Variants in NTM observed in about 807,000 individuals in gnomAD.
NTM encodes the protein IgLON family member 2.
NTM carries 13 observed loss-of-function variants against 42.1 expected under a neutral mutation model. The ratio of observed to expected loss-of-function variants is 0.31; its 90% confidence interval spans 0.20 to 0.49. NTM has a LOEUF of 0.49. NTM is among the 20% of genes least tolerant of loss of function. The pLI, the probability that NTM is intolerant of heterozygous loss-of-function variation, is 0.99. For missense variants in NTM, 373 were observed against 452.8 expected, an observed-to-expected ratio of 0.82 and a Z score of 1.60; for synonymous variants, 187 against 179.2, an observed-to-expected ratio of 1.04 and a Z score of -0.35.
intron 1 of NTM, among the ~76,000 whole-genome samples, chr11:131,808,702 T>A (rs1269400910): frequency 2.0e-5 from 3 of 152,102 alleles, no homozygotes; most frequent in South Asian, 4.1e-4. Flanking sequence ...TGCTCCTAGC[T>A]GTGGGAGACA....
At chr11:131,454,118 G>A (rs1488687256) in intron 1 of NTM, among the ~76,000 whole-genome samples, 1 of 152,132 alleles carries the variant, frequency 6.6e-6, no homozygotes, top group Non-Finnish European at 1.5e-5. Context: ...CATAGTTTCA[G>A]TTACCTGCAG....
intron 2 of NTM, among the ~76,000 whole-genome samples, chr11:131,925,383 CTTTTTTTTTT>C (rs61493262): frequency 1.8e-5 from 2 of 111,456 alleles, no homozygotes; most frequent in African/African-American, 7.1e-5. Context: ...TTTCTTTTCT[CTTTTTTTTTT>C]TTTTTTTTTT....
At chr11:131,938,279 G>A (rs756678701) in intron 2 of NTM, among the ~76,000 whole-genome samples, 16 of 152,228 alleles carry the variant, frequency 1.1e-4, no homozygotes, top group African/African-American at 3.4e-4. Context: ...CTGTGGAGAC[G>A]GGAACAGTGG....
intron 7 of NTM, among the ~76,000 whole-genome samples, chr11:132,323,639 C>G (rs1053608995): frequency 3.9e-5 from 6 of 152,054 alleles, no homozygotes; most frequent in Non-Finnish European, 5.9e-5. Context: ...TTATTCTAAT[C>G]AATAGAAAAA....
At chr11:131,591,175 C>A (rs1181188217) in intron 1 of NTM, among the ~76,000 whole-genome samples, 1 of 152,208 alleles carries the variant, frequency 6.6e-6, no homozygotes, top group Non-Finnish European at 1.5e-5. Flanking sequence ...TCCTCCCAGC[C>A]CCCACCGCAG....
intron 2 of NTM, among the ~76,000 whole-genome samples, chr11:132,079,588 A>G (rs2058767666): frequency 6.6e-6 from 1 of 152,152 alleles, no homozygotes; most frequent in South Asian, 2.1e-4. Context: ...TTATGTGTCA[A>G]AATCTCCTGT....
intron 2 of NTM, among the ~76,000 whole-genome samples, chr11:132,116,079 C>T (rs1407127442): frequency 6.6e-6 from 1 of 152,186 alleles, no homozygotes; most frequent in African/African-American, 2.4e-5. Flanking sequence ...GGATTAGGCA[C>T]CGTATCAGTC....
chr11:131,461,505 A>G (rs1951375712), intron 1 of NTM, among the ~76,000 whole-genome samples: 1 of 152,228 alleles, frequency 6.6e-6, no homozygotes, highest in African/African-American at 2.4e-5. Context: ...AGTTGAACTC[A>G]GAGAAAAGAG....
chr11:131,580,595 C>T (rs908989814), intron 1 of NTM, among the ~76,000 whole-genome samples: 4 of 152,124 alleles, frequency 2.6e-5, no homozygotes, highest in Non-Finnish European at 4.4e-5. Context: ...GGCAAAGTGA[C>T]CTGACAGATG....
At chr11:131,706,717 A>C (rs988018355) in intron 1 of NTM, among the ~76,000 whole-genome samples, 1 of 152,074 alleles carries the variant, frequency 6.6e-6, no homozygotes, top group African/African-American at 2.4e-5. Flanking sequence ...AAATTAAACA[A>C]CCCATTTCTG....
At chr11:131,781,284 A>C (rs1461568433) in intron 1 of NTM, among the ~76,000 whole-genome samples, 1 of 152,114 alleles carries the variant, frequency 6.6e-6, no homozygotes, top group African/African-American at 2.4e-5. Context: ...GAAGTAAAAA[A>C]AAATTAATGT....
At chr11:131,509,388 T>G (rs1042673771) in intron 1 of NTM, among the ~76,000 whole-genome samples, 8 of 152,230 alleles carry the variant, frequency 5.3e-5, no homozygotes, top group Admixed American at 1.3e-4. Flanking sequence ...TTTGCATTTC[T>G]TTTCCTAACT....
intron 1 of NTM, among the ~76,000 whole-genome samples, chr11:131,591,421 G>C (rs1331023413): frequency 1.3e-5 from 2 of 152,212 alleles, no homozygotes; most frequent in East Asian, 3.9e-4. Flanking sequence ...CCATGGAGCT[G>C]AGCTGGGGGA....
intron 1 of NTM, chr11:131,581,937 T>A (rs962828988): frequency 5.9e-5 from 9 of 152,310 alleles, no homozygotes; most frequent in African/African-American, 1.9e-4. Flanking sequence ...GCTTTCCTAA[T>A]AGTTCTAATT....
intron 2 of NTM, among the ~76,000 whole-genome samples, chr11:132,053,685 A>C (rs1186372445): frequency 6.6e-6 from 1 of 152,208 alleles, no homozygotes; most frequent in Non-Finnish European, 1.5e-5. Flanking sequence ...ATTTCTTGCA[A>C]AATTAAGTGA....
chr11:131,999,694 C>G (rs939786258), intron 2 of NTM, among the ~76,000 whole-genome samples: 1 of 152,178 alleles, frequency 6.6e-6, no homozygotes, highest in Non-Finnish European at 1.5e-5. Context: ...TTGTTCTTTT[C>G]TTAAATAAAT....
chr11:131,983,687 T>C (rs2065628197), intron 2 of NTM, among the ~76,000 whole-genome samples: 1 of 151,990 alleles, frequency 6.6e-6, no homozygotes, highest in Non-Finnish European at 1.5e-5. Flanking sequence ...TAATATTGTA[T>C]CTTCTATTAT....
chr11:131,460,860 G>T (rs1371217597), intron 1 of NTM, among the ~76,000 whole-genome samples: 3 of 152,186 alleles, frequency 2.0e-5, no homozygotes, highest in Non-Finnish European at 4.4e-5. Flanking sequence ...TGCCAAGAGA[G>T]TGCTTTTGAT....
At chr11:132,181,463 G>A (rs1376523352) in intron 3 of NTM, among the ~76,000 whole-genome samples, 1 of 152,202 alleles carries the variant, frequency 6.6e-6, no homozygotes, top group Non-Finnish European at 1.5e-5. Context: ...CTTGAGCTCA[G>A]TGTATTCCAA....
Sources: gnomAD v4.1 joint callset for allele counts (sites outside exome capture counted in the v4.1 genomes callset) on GRCh38, gnomAD v4.1.1 for gene constraint, MANE v1.5 for transcripts, NCBI Gene and HGNC (gene_info 2026-07-23, HGNC 2026-07-21) for gene names.